The following ANP32B variants were observed in gnomAD, a reference collection of about 807,000 sequenced individuals.
The protein encoded by ANP32B is acidic nuclear phosphoprotein 32 family member B.
Under a neutral mutation model 32.2 loss-of-function variants are expected in ANP32B, and 6 were observed. The ratio of observed to expected loss-of-function variants is 0.19; its 90% CI spans 0.10 to 0.37. The LOEUF is 0.37. ANP32B is among the 10% of genes least tolerant of loss of function. The pLI, the probability that ANP32B is intolerant of heterozygous loss-of-function variation, is 1.00. For missense variants in ANP32B, 204 were observed against 289.2 expected (o/e 0.71, Z 2.14); for synonymous variants, 98 against 105.8 (o/e 0.93, Z 0.45).
At chr9:97,996,401 CA>C (rs535467065) in intron 2 of ANP32B, among the ~76,000 whole-genome samples, 18 of 152,072 alleles carry the variant, frequency 1.2e-4, no homozygotes, top group Non-Finnish European at 1.9e-4. Flanking sequence ...CTGAGAAGGA[CA>C]GGGTTTTTGT....
chr9:98,009,283 C>T lies in ANP32B; in HGVS notation c.518-1988C>T, dbSNP rs1828140392. ...TTTAAGAAATAACTAATACTTTCTA[C>T]CCAAGATATTCCTCCTGATTAGTTT... On this transcript the variant is annotated intron_variant, in intron 4 of 6. Coordinates refer to ENST00000339399, the MANE Select transcript of ANP32B (RefSeq NM_006401.3). 5.9e-5 allele frequency among the ~76,000 whole-genome samples: 9 copies of T among 152,336 alleles called. 1 individual carries two copies. The South Asian group carries it at 1.7e-3, about 28-fold the overall frequency.
chr9:98,012,454 G>A lies in ANP32B; in HGVS notation c.670G>A (p.Asp224Asn). The change falls in exon 6 of 7, where the codon GAT becomes AAT. Residue 224 changes from aspartate to asparagine, a missense_variant. Coordinates refer to ENST00000339399, the MANE Select transcript of ANP32B (RefSeq NM_006401.3). ...EEFGLDEEDE[D>N]EDEDEEEEEG... ...ATTTGGACTTGATGAAGAAGATGAAGATGAGGATGAGGATGAAGGTGGGCC... is the reference window on the plus strand; with the variant it reads ...ATTTGGACTTGATGAAGAAGATGAAAATGAGGATGAGGATGAAGGTGGGCC... 2 of 1,612,746 alleles carry A rather than the reference G, an allele frequency of 1.2e-6. No individual in the cohort carries two copies. The highest frequency in any genetic ancestry group is 1.7e-6 in the Non-Finnish European group (2 of 1,179,698).
intron 1 of ANP32B, among the ~76,000 whole-genome samples, chr9:97,984,254 G>C (rs1351169058): frequency 3.3e-5 from 5 of 150,980 alleles, no homozygotes; most frequent in Non-Finnish European, 4.4e-5. Context: ...GGGCGGGCCA[G>C]GGCGGCGGAG....
At chr9:98,015,214 A>T in intron 6 of ANP32B, 150 bp from the exon 7 acceptor site, 1 of 1,140,126 alleles carries the variant, frequency 8.8e-7, no homozygotes, top group African/African-American at 1.6e-5. Flanking sequence ...CACCACTTAT[A>T]CTTGCTATTA....
At chr9:97,986,234 C>G (rs1014666489) in intron 1 of ANP32B, among the ~76,000 whole-genome samples, 1 of 152,256 alleles carries the variant, frequency 6.6e-6, no homozygotes, top group African/African-American at 2.4e-5. Flanking sequence ...TTCAAGTGCT[C>G]AGACGTGACA....
At position 98,000,551 on chromosome 9, in the gene ANP32B, G is replaced by A. The variant is rs571274060; in HGVS notation, c.327+1873G>A. Among the ~76,000 whole-genome samples, 10 of 152,296 alleles carry A rather than the reference G, an allele frequency of 6.6e-5. No individual in the cohort carries two copies. In the East Asian group the frequency reaches 1.9e-3, roughly 29 times the overall value. On this transcript the variant is annotated intron_variant, in intron 3 of 6. Coordinates refer to ENST00000339399, the MANE Select transcript of ANP32B (RefSeq NM_006401.3). The stretch of plus-strand genomic sequence containing the variant: ...GTAACCCAGAGAAGAGAGAATGACT[G>A]TCCTCTTTTTAGAGATGAGGAAGCT...
intron 3 of ANP32B, among the ~76,000 whole-genome samples, chr9:97,999,877 G>A (rs954840174): frequency 9.2e-5 from 14 of 152,250 alleles, no homozygotes; most frequent in Admixed American, 3.3e-4. Context: ...TATAGGAGGT[G>A]TCTTTGAGAA....
intron 1 of ANP32B, among the ~76,000 whole-genome samples, chr9:97,985,760 A>G (rs1345054128): frequency 1.3e-5 from 2 of 152,206 alleles, no homozygotes; most frequent in African/African-American, 4.8e-5. Context: ...GGATGTTTTC[A>G]TATATGAAGT....
At position 98,012,456 on chromosome 9, in the gene ANP32B, T is replaced by A. The variant is rs1245351372; in HGVS notation, c.672T>A (p.Asp224Glu). The A allele has an allele frequency of 6.2e-7, 1 of 1,612,662 alleles. No individual in the cohort carries two copies. ...TTGGACTTGATGAAGAAGATGAAGA[T>A]GAGGATGAGGATGAAGGTGGGCCTA... ...EEFGLDEEDEDEDEDEEEEEG... is the reference protein window; with the variant it reads ...EEFGLDEEDEEEDEDEEEEEG... The change falls in exon 6 of 7, where the codon GAT becomes GAA. Residue 224 changes from aspartate (D) to glutamate (E), a missense_variant. Asp to Glu is a conservative substitution (Grantham distance 45, BLOSUM62 2). Transcript: ENST00000339399.
At chr9:97,984,029 A>G (rs1276471722) in intron 1 of ANP32B, among the ~76,000 whole-genome samples, 1 of 149,072 alleles carries the variant, frequency 6.7e-6, no homozygotes, top group African/African-American at 2.5e-5. Flanking sequence ...CGCCTGGGCC[A>G]GGCCGGGCTC....
At chr9:98,015,281 C>CT (rs751380425) in intron 6 of ANP32B, 83 bp from the exon 7 acceptor site, 47 of 1,524,624 alleles carry the variant, frequency 3.1e-5, no homozygotes, top group Non-Finnish European at 4.2e-5. Flanking sequence ...CTGTCAAAAA[C>CT]TTTGTTGTTG....
Position 97,990,866 on chromosome 9 carries a change from C to A in ANP32B, c.55-3765C>A, listed in dbSNP as rs191496506. On this transcript the variant is annotated intron_variant, in intron 1 of 6. Coordinates refer to ENST00000339399, the MANE Select transcript of ANP32B (RefSeq NM_006401.3). ...ACATAATCTTGCTCTGGTGCCCAGGCTGGAGTGCGGTGGCGCAATCTTGGC... is the reference window on the plus strand; with the variant it reads ...ACATAATCTTGCTCTGGTGCCCAGGATGGAGTGCGGTGGCGCAATCTTGGC... Among the ~76,000 whole-genome samples, 7 of 134,052 alleles carry A rather than the reference C, an allele frequency of 5.2e-5. No individual in the cohort carries two copies. In the East Asian group the frequency reaches 1.5e-3, roughly 29 times the overall value. The allele number at this position is 134,052 out of a possible 152,430, so 87.9% of individuals were successfully genotyped here.
At chr9:97,998,297 T>C (rs1206614850) in intron 2 of ANP32B, among the ~76,000 whole-genome samples, 1 of 152,208 alleles carries the variant, frequency 6.6e-6, no homozygotes, top group Non-Finnish European at 1.5e-5. Context: ...AGTTAGAAAA[T>C]TTATTTGCTG....
intron 1 of ANP32B, among the ~76,000 whole-genome samples, chr9:97,987,194 C>T (rs981355863): frequency 6.6e-6 from 1 of 152,068 alleles, no homozygotes; most frequent in Non-Finnish European, 1.5e-5. Context: ...TTATTTTTTT[C>T]TAAGTCCAAA....
chr9:98,011,004 A>C (rs906240051), intron 4 of ANP32B, among the ~76,000 whole-genome samples: 4 of 152,252 alleles, frequency 2.6e-5, no homozygotes, highest in Non-Finnish European at 5.9e-5. Flanking sequence ...TCCCCACTCC[A>C]TATAATTTTG....
At chr9:97,996,725 C>T (rs1015801853) in intron 2 of ANP32B, among the ~76,000 whole-genome samples, 5 of 151,908 alleles carry the variant, frequency 3.3e-5, no homozygotes, top group African/African-American at 9.7e-5. Context: ...TCCTGAGTAG[C>T]TGGGATTACA....
intron 3 of ANP32B, among the ~76,000 whole-genome samples, chr9:98,003,493 A>G (rs775195176): frequency 2.0e-5 from 3 of 152,154 alleles, no homozygotes; most frequent in South Asian, 2.1e-4. Flanking sequence ...CTGTGTTCCA[A>G]TGGAGCTTAT....
chr9:98,009,664 T>C (rs547617298), intron 4 of ANP32B, among the ~76,000 whole-genome samples: 100 of 152,390 alleles, frequency 6.6e-4, no homozygotes, highest in Non-Finnish European at 9.6e-4. Flanking sequence ...CTTCACCACC[T>C]GCTGTGCGGC....
At chr9:97,998,370 C>G (rs1049713545) in intron 2 of ANP32B, among the ~76,000 whole-genome samples, 186 bp from the exon 3 acceptor site, 1 of 152,208 alleles carries the variant, frequency 6.6e-6, no homozygotes, top group Non-Finnish European at 1.5e-5. Flanking sequence ...CACAATACTT[C>G]TGACCTTACC....
Sources: gnomAD v4.1 joint callset for allele counts (sites outside exome capture counted in the v4.1 genomes callset) on GRCh38, gnomAD v4.1.1 for gene constraint, MANE v1.5 for transcripts, NCBI Gene and HGNC (gene_info 2026-07-23, HGNC 2026-07-21) for gene names.